CDYL: variants seen among roughly 807,000 people sequenced by gnomAD.
The protein encoded by CDYL is chromodomain Y-like protein.
A neutral mutation model predicts 47.3 loss-of-function variants in CDYL; 8 were observed. That is an observed-to-expected ratio of 0.17 (90% confidence interval 0.10 to 0.31). The LOEUF is 0.31. Ranked by LOEUF, CDYL falls within the 10% of genes least tolerant of loss-of-function variation. CDYL has a pLI of 1.00. For synonymous variants in CDYL, 266 were observed against 265.0 expected (o/e 1.00, Z -0.04); for missense variants, 471 against 701.4 (o/e 0.67, Z 3.71).
chr6:4,814,357 C>T (rs1254238902), intron 1 of CDYL, among the ~76,000 whole-genome samples: 1 of 151,962 alleles, frequency 6.6e-6, no homozygotes, highest in East Asian at 1.9e-4. Context: ...TGACTTGAAC[C>T]TATTAGAAAG....
At chr6:4,751,648 G>A (rs1172153208) in intron 3 of CDYL, among the ~76,000 whole-genome samples, 1 of 152,158 alleles carries the variant, frequency 6.6e-6, no homozygotes. Flanking sequence ...CCCATTCAGG[G>A]GTAGCGATGG....
At chr6:4,858,709 T>C (rs1761081877) in intron 1 of CDYL, among the ~76,000 whole-genome samples, 1 of 152,240 alleles carries the variant, frequency 6.6e-6, no homozygotes, top group South Asian at 2.1e-4. Context: ...GCTGTCAGCT[T>C]GAAGGTGGAG....
At chr6:4,882,357 C>T (rs906213583) in intron 1 of CDYL, among the ~76,000 whole-genome samples, 1 of 152,172 alleles carries the variant, frequency 6.6e-6, no homozygotes, top group Non-Finnish European at 1.5e-5. Flanking sequence ...TGGTCCTTCA[C>T]TTTGCTGCCT....
rs1759755435 is a variant in CDYL, at chr6:4,819,129, T to TCTCTCTCTCC, written c.24+42331_24+42332insCCTCTCTCTC. 1.5e-5 allele frequency among the ~76,000 whole-genome samples: 2 copies of TCTCTCTCTCC among 131,282 alleles called. 1 individual carries two copies. The allele number at this position is 131,282 out of a possible 152,430, so 86.1% of individuals were successfully genotyped here. On this transcript the variant is annotated intron_variant, in intron 1 of 6. Transcript: ENST00000397588. Reference sequence around the variant, plus strand: ...TTTTTAGGTTCGTTCTCTCTCTCTCTCTCTCTCTCTCTCTCTCTCTCTCTC... The same window carrying TCTCTCTCTCC: ...TTTTTAGGTTCGTTCTCTCTCTCTCTCTCTCTCTCCCTCTCTCTCTCTCTCTCTCTCTCTC...
rs148042845 is a variant in CDYL at position 4,777,904 on chromosome 6, A to G, written c.24+1097A>G. On this transcript the variant is annotated intron_variant, in intron 1 of 6. Coordinates refer to ENST00000397588, the MANE Select transcript of CDYL (RefSeq NM_004824.4). ...CAGAAGTTCTCAGGAGGAAGCTGCC[A>G]TCTGTAGAATTAAGGGTAAGGTTGT... Among the ~76,000 whole-genome samples the G allele has an allele frequency of 6.8e-4, 104 of 152,358 alleles. No individual in the cohort carries two copies. The East Asian group carries it at 0.014, about 20-fold the overall frequency.
chr6:4,777,110 T>A (rs1581159560), intron 1 of CDYL, among the ~76,000 whole-genome samples: 1 of 125,496 alleles, frequency 8.0e-6, no homozygotes, highest in Non-Finnish European at 1.6e-5. Flanking sequence ...GCGTGGGTCG[T>A]GGAAGTGGTG....
At chr6:4,850,277 ACT>A (rs1418927345) in intron 1 of CDYL, among the ~76,000 whole-genome samples, 23 of 151,770 alleles carry the variant, frequency 1.5e-4, no homozygotes, top group Non-Finnish European at 4.4e-5. Context: ...GATACACAAA[ACT>A]CTGTTCTCAT....
intron 1 of CDYL, among the ~76,000 whole-genome samples, chr6:4,871,233 T>A (rs1761464458): frequency 6.6e-6 from 1 of 152,184 alleles, no homozygotes; most frequent in South Asian, 2.1e-4. Flanking sequence ...CTGTTTTAGC[T>A]GCATAGTTTA....
Position 4,935,677 on chromosome 6 carries a change from A to G in CDYL, c.854A>G (p.Tyr285Cys). 6.2e-7 allele frequency: 1 copy of G among 1,614,260 alleles called. No homozygotes were observed. The highest frequency in any genetic ancestry group is 8.5e-7 in the Non-Finnish European group (1 of 1,180,044). The change falls in exon 3 of 7, where the codon TAC becomes TGC. Residue 285 changes from tyrosine to cysteine, a missense_variant. Tyr to Cys is a radical substitution (Grantham distance 194). Around this residue, in one of 3 missense-constraint regions of CDYL, gnomAD observed 103 missense variants for 277.1 expected, o/e 0.37. Transcript: ENST00000397588. ...AGCGTGAGGCAAACAGAAAGTGCCT[A>G]CAGATACAGAGATATTGTGGTCAGG... Reference protein sequence around the residue: ...RFSVRQTESAYRYRDIVVRKQ... With the variant: ...RFSVRQTESACRYRDIVVRKQ...
rs753561777 is a variant in CDYL at position 4,935,793 on chromosome 6, G to A, written c.948+22G>A. ...AGAGGTGAGAGGCGCTCTTGGGCTG[G>A]CGTGGGCTTCGCGCTTCTCCCTGCC... On this transcript the variant is annotated intron_variant, in intron 3 of 6. Coordinates refer to ENST00000397588, the MANE Select transcript of CDYL (RefSeq NM_004824.4). 3.1e-6 allele frequency: 5 copies of A among 1,611,444 alleles called. No individual in the cohort carries two copies. The East Asian group carries it at 1.1e-4, about 36-fold the overall frequency.
chr6:4,926,278 A>G (rs1757871150), intron 2 of CDYL, among the ~76,000 whole-genome samples: 1 of 152,226 alleles, frequency 6.6e-6, no homozygotes, highest in Non-Finnish European at 1.5e-5. Context: ...ATAAAATTAT[A>G]AGGTTTTGTA....
At chr6:4,780,492 C>G (rs1052437533) in intron 1 of CDYL, among the ~76,000 whole-genome samples, 1 of 147,206 alleles carries the variant, frequency 6.8e-6, no homozygotes, top group African/African-American at 2.5e-5. Flanking sequence ...TGGTCTCAAA[C>G]TCCTGGTCTC....
At chr6:4,947,548 G>A (rs1442087786) in intron 5 of CDYL, among the ~76,000 whole-genome samples, 11 of 152,156 alleles carry the variant, frequency 7.2e-5, no homozygotes, top group East Asian at 5.8e-4. Context: ...GTGTTAGCAC[G>A]TGGACGGCTG....
In CDYL at chr6:4,955,166, A is replaced by G. The variant is rs528592183; in HGVS notation, c.*1110A>G. 6.5e-6 allele frequency: 1 copy of G among 152,730 alleles called. No individual in the cohort carries two copies. Among genetic ancestry groups the G allele is most frequent in the Admixed American group, 6.5e-5 (1 of 15,298 alleles). 9.5% of individuals were successfully genotyped at this position (152,730 alleles called of 1,614,324 possible). A position where few individuals can be genotyped will look rare whatever the true frequency, so the allele number is the denominator to read the frequency against. ...ATATACTGAGTTCAGTATGGTGTCC[A>G]AGAGTGCCCTGTGTGGATAGACATG... On this transcript the variant is annotated 3_prime_UTR_variant, in exon 7 of 7. Coordinates refer to ENST00000397588, the MANE Select transcript of CDYL (RefSeq NM_004824.4).
intron 1 of CDYL, among the ~76,000 whole-genome samples, chr6:4,806,966 C>T (rs151306789): frequency 2.6e-5 from 4 of 152,294 alleles, no homozygotes; most frequent in East Asian, 3.9e-4. Context: ...GGGATTCTCC[C>T]GAGGGCTTCC....
intron 1 of CDYL, among the ~76,000 whole-genome samples, chr6:4,706,826 G>T (rs6910449): frequency 1.3e-5 from 2 of 151,950 alleles, no homozygotes; most frequent in Non-Finnish European, 2.9e-5. Context: ...GAGGAGCAGA[G>T]AGTGGCAAAG....
At chr6:4,939,626 G>A (rs868769218) in intron 4 of CDYL, among the ~76,000 whole-genome samples, 3 of 152,188 alleles carry the variant, frequency 2.0e-5, no homozygotes, top group Admixed American at 1.3e-4. Flanking sequence ...TCTCCTAGGG[G>A]ATTTCATCCC....
chr6:4,899,779 CA>C (rs1756961924), intron 2 of CDYL, among the ~76,000 whole-genome samples: 1 of 152,190 alleles, frequency 6.6e-6, no homozygotes, highest in Non-Finnish European at 1.5e-5. Flanking sequence ...TGATTCCCGT[CA>C]GAAGTTTAGG....
At chr6:4,906,455 C>T (rs1581254059) in intron 2 of CDYL, among the ~76,000 whole-genome samples, 1 of 152,176 alleles carries the variant, frequency 6.6e-6, no homozygotes, top group Admixed American at 6.5e-5. Context: ...AGTGCGGCTG[C>T]CTCTGTACCT....
Sources: allele counts gnomAD v4.1 joint callset (sites outside exome capture counted in the v4.1 genomes callset), GRCh38; gene constraint gnomAD v4.1.1; regional missense constraint gnomAD v4.1.1; transcripts MANE v1.5; gene names NCBI Gene and HGNC (gene_info 2026-07-23, HGNC 2026-07-21).